The following PLCXD3 variants were observed in gnomAD, a reference collection of about 807,000 sequenced individuals.
PLCXD3 encodes PI-PLC X domain-containing protein 3.
A neutral mutation model predicts 25.5 loss-of-function variants in PLCXD3; 19 were observed. The observed-to-expected ratio is 0.75, with a 90% CI of 0.52 to 1.09. PLCXD3 has a LOEUF of 1.09. Ranked by LOEUF, PLCXD3 falls within the 50% of genes least tolerant of loss-of-function variation. The pLI is 0.00. For missense variants in PLCXD3, 411 were observed against 388.1 expected (o/e 1.06, Z -0.50); for synonymous variants, 174 against 137.6 (o/e 1.26, Z -1.85).
chr5:41,355,884 T>C (rs1744603358), intron 2 of PLCXD3, among the ~76,000 whole-genome samples: 1 of 152,184 alleles, frequency 6.6e-6, no homozygotes, highest in South Asian at 2.1e-4. Flanking sequence ...GAGTTTCCCA[T>C]GAGTATATAT....
chr5:41,487,050 T>G (rs1235075136), intron 1 of PLCXD3, among the ~76,000 whole-genome samples: 1 of 151,284 alleles, frequency 6.6e-6, no homozygotes, highest in African/African-American at 2.4e-5. Flanking sequence ...CTTTTTTTTC[T>G]GAAGGCACGG....
At chr5:41,331,258 C>CA (rs1743795674) in intron 2 of PLCXD3, among the ~76,000 whole-genome samples, 1 of 152,082 alleles carries the variant, frequency 6.6e-6, no homozygotes, top group South Asian at 2.1e-4. Context: ...TCTCAGGATA[C>CA]AAAATCAATG....
rs189772243 is a variant in PLCXD3 at position 41,331,950 on chromosome 5, G to T, written c.813-18180C>A. 7.9e-4 allele frequency among the ~76,000 whole-genome samples: 121 copies of T among 152,232 alleles called. 1 individual carries two copies. Among genetic ancestry groups the T allele is most frequent in the South Asian group, 2.5e-3 (12 of 4,818 alleles). On this transcript the variant is annotated intron_variant, in intron 2 of 2. Coordinates refer to ENST00000377801, the MANE Select transcript of PLCXD3 (RefSeq NM_001005473.3). ...CTGATACAAAAATTAATTCAAGATG[G>T]ATTAAAGACTTAAACGTTAGACCTA... is the stretch of plus-strand genomic sequence containing the variant.
At chr5:41,368,884 A>C (rs1487135171) in intron 2 of PLCXD3, among the ~76,000 whole-genome samples, 6 of 152,176 alleles carry the variant, frequency 3.9e-5, no homozygotes, top group Non-Finnish European at 8.8e-5. Context: ...AAAATGGTGG[A>C]CCATTGAAAC....
At chr5:41,419,195 A>T (rs900879224) in intron 1 of PLCXD3, among the ~76,000 whole-genome samples, 1 of 152,186 alleles carries the variant, frequency 6.6e-6, no homozygotes, top group African/African-American at 2.4e-5. Flanking sequence ...AAATAGGAAG[A>T]TGTAGCCAGC....
intron 1 of PLCXD3, among the ~76,000 whole-genome samples, chr5:41,423,184 T>C (rs984285172): frequency 2.0e-5 from 3 of 152,128 alleles, no homozygotes; most frequent in Admixed American, 2.0e-4. Flanking sequence ...ATTTATTATT[T>C]TATTTTTATC....
At chr5:41,327,056 G>A (rs1351299876) in intron 2 of PLCXD3, among the ~76,000 whole-genome samples, 2 of 152,212 alleles carry the variant, frequency 1.3e-5, no homozygotes, top group South Asian at 4.1e-4. Context: ...AGGAATTTAA[G>A]GACCATTTCA....
chr5:41,391,614 G>A (rs1428567997), intron 1 of PLCXD3, among the ~76,000 whole-genome samples: 1 of 152,138 alleles, frequency 6.6e-6, no homozygotes, highest in Non-Finnish European at 1.5e-5. Flanking sequence ...CTGGCTTCAG[G>A]TGAGTCTCAG....
rs145768131 is a variant in PLCXD3, at chr5:41,328,868, A to G, written c.813-15098T>C. Among the ~76,000 whole-genome samples, 450 of 152,270 alleles carry G rather than the reference A, an allele frequency of 3.0e-3. 2 individuals carry two copies. Among genetic ancestry groups the G allele is most frequent in the African/African-American group, 0.01 (429 of 41,550 alleles). On this transcript the variant is annotated intron_variant, in intron 2 of 2. Coordinates refer to ENST00000377801, the MANE Select transcript of PLCXD3 (RefSeq NM_001005473.3). ...GCAGGTCATACTATTGAGTTCAGTA[A>G]CCTGCAATGTGCTGACCTTGACTTG...
chr5:41,320,423 C>G (rs896957410), intron 2 of PLCXD3, among the ~76,000 whole-genome samples: 1 of 152,260 alleles, frequency 6.6e-6, no homozygotes, highest in African/African-American at 2.4e-5. Flanking sequence ...GACCATTCAT[C>G]ATGACCAATT....
At chr5:41,349,841 A>AT (rs1467171124) in intron 2 of PLCXD3, among the ~76,000 whole-genome samples, 1 of 152,106 alleles carries the variant, frequency 6.6e-6, no homozygotes, top group African/African-American at 2.4e-5. Flanking sequence ...AGCACTGTGG[A>AT]TACTCTGCTT....
At chr5:41,326,537 C>T (rs1283712963) in intron 2 of PLCXD3, among the ~76,000 whole-genome samples, 5 of 152,114 alleles carry the variant, frequency 3.3e-5, no homozygotes, top group African/African-American at 9.7e-5. Context: ...TCCAGTGATA[C>T]TGAAATGCTT....
chr5:41,353,806 A>G (rs1019072329), intron 2 of PLCXD3, among the ~76,000 whole-genome samples: 7 of 152,164 alleles, frequency 4.6e-5, no homozygotes, highest in Non-Finnish European at 8.8e-5. Context: ...TGTGGTAGAG[A>G]CACGTTTTCT....
rs572491599 is a variant in PLCXD3, at chr5:41,452,075, G to A, written c.103+58349C>T. On this transcript the variant is annotated intron_variant, in intron 1 of 2. Transcript: ENST00000377801. Reference sequence around the variant, plus strand: ...GACCCCAAGGTATTGGTGCCAGAAGGAGGAGCTTCATGGTGAAAGCAGACT... The same window carrying A: ...GACCCCAAGGTATTGGTGCCAGAAGAAGGAGCTTCATGGTGAAAGCAGACT... Among the ~76,000 whole-genome samples, 5 of 152,170 alleles carry A rather than the reference G, an allele frequency of 3.3e-5. No individual in the cohort carries two copies. In the East Asian group the frequency reaches 9.7e-4, roughly 29 times the overall value.
At chr5:41,502,041 T>C (rs2111583567) in intron 1 of PLCXD3, among the ~76,000 whole-genome samples, 1 of 152,236 alleles carries the variant, frequency 6.6e-6, no homozygotes, top group Non-Finnish European at 1.5e-5. Context: ...ATTACATATA[T>C]TTGTGTGCTG....
intron 1 of PLCXD3, among the ~76,000 whole-genome samples, chr5:41,497,615 G>A (rs1046015388): frequency 3.3e-5 from 5 of 151,766 alleles, no homozygotes; most frequent in South Asian, 2.1e-4. Flanking sequence ...TTTAATACTG[G>A]ATTAATCATC....
intron 2 of PLCXD3, among the ~76,000 whole-genome samples, chr5:41,332,349 A>G (rs895924390): frequency 2.6e-5 from 4 of 152,114 alleles, no homozygotes; most frequent in African/African-American, 9.7e-5. Flanking sequence ...AAAAATGCTC[A>G]CCATCACTGG....
intron 2 of PLCXD3, among the ~76,000 whole-genome samples, chr5:41,356,566 G>C (rs1744622736): frequency 6.6e-6 from 1 of 151,974 alleles, no homozygotes. Context: ...TATTATTGGG[G>C]ATATCAACAA....
In PLCXD3 at chr5:41,313,491, C is replaced by A; in HGVS notation, c.*126G>T. 1 of 1,078,284 alleles carries A rather than the reference C, an allele frequency of 9.3e-7. No homozygotes were observed. The highest frequency in any genetic ancestry group is 2.6e-5 in the East Asian group (1 of 38,136). The allele number at this position is 1,078,284 out of a possible 1,614,324, so 66.8% of individuals were successfully genotyped here. A position where few individuals can be genotyped will look rare whatever the true frequency, so the allele number is the denominator to read the frequency against. On this transcript the variant is annotated 3_prime_UTR_variant, in exon 3 of 3. Coordinates refer to ENST00000377801, the MANE Select transcript of PLCXD3 (RefSeq NM_001005473.3). ...GAAGAAACAGTTTTTCCCCTTTTCC[C>A]ACCCACTACCAGCCCTATTCCCTTC... is the stretch of plus-strand genomic sequence containing the variant.
Sources: allele counts gnomAD v4.1 joint callset (sites outside exome capture counted in the v4.1 genomes callset), GRCh38; gene constraint gnomAD v4.1.1; transcripts MANE v1.5; gene names NCBI Gene and HGNC (gene_info 2026-07-23, HGNC 2026-07-21).